Variants in TLN1 observed in about 807,000 individuals in gnomAD.
TLN1 encodes the protein talin 1, also known as talin-1.
A neutral mutation model predicts 292.3 loss-of-function variants in TLN1; 56 were observed. The ratio of observed to expected loss-of-function variants is 0.19; its 90% CI spans 0.15 to 0.24. TLN1 has a LOEUF of 0.24. TLN1 is among the 10% of genes least tolerant of loss of function. TLN1 has a pLI of 1.00. For synonymous variants in TLN1, 1,119 were observed against 1,253.7 expected (o/e 0.89, Z 2.27); for missense variants, 2,433 against 3,248.2 (o/e 0.75, Z 6.10).
At position 35,724,297 on chromosome 9, in the gene TLN1, C is replaced by T. The variant is rs763245321; in HGVS notation, c.549G>A (p.Gln183=). The T allele has an allele frequency of 4.3e-6, 7 of 1,614,096 alleles. No homozygotes were observed. Among genetic ancestry groups the T allele is most frequent in the Non-Finnish European group, 5.9e-6 (7 of 1,180,048 alleles). ...GCAGCGTCTCGTGCTCCTCTACACC[C>T]TGCTCCCTCAGTGTCCGACCATGGT... ...WLDHGRTLRE[Q]GVEEHETLLL... is the part of the protein sequence containing the mutation. The change falls in exon 6 of 57, where the codon CAG becomes CAA. Residue 183 remains glutamine (Q), a synonymous_variant. Transcript: ENST00000314888. This position sits in a 1 kb window ranked among gnomAD's most constrained non-coding sequence, Gnocchi z 4.7.
Position 35,705,600 on chromosome 9 carries a change from C to A in TLN1, c.5684G>T (p.Arg1895Leu). The A allele has an allele frequency of 1.2e-6, 2 of 1,605,630 alleles. No homozygotes were observed. Among genetic ancestry groups the A allele is most frequent in the Non-Finnish European group, 1.7e-6 (2 of 1,173,450 alleles). The change falls in exon 43 of 57, where the codon CGT (arginine) becomes CTT (leucine). Residue 1895 changes from arginine to leucine, a missense_variant. This residue lies in a region of TLN1 where 1,384 missense variants were observed against 1,699.6 expected (regional missense o/e 0.81). Coordinates refer to ENST00000314888, the MANE Select transcript of TLN1 (RefSeq NM_006289.4). ...LANQLTSDYGRLASEAKPAAV... is the reference protein window; with the variant it reads ...LANQLTSDYGLLASEAKPAAV... ...TGCAGGCTTGGCCTCCGAGGCCAGA[C>A]GGCCATAGTCACTGGTCAGCTGGTT...
chr9:35,721,897 T>A, intron 9 of TLN1, 94 bp from the exon 10 acceptor site: 1 of 1,516,714 alleles, frequency 6.6e-7, no homozygotes, highest in South Asian at 1.2e-5. Context: ...GATGTTGAGG[T>A]GGCCGGGAGG....
Position 35,707,926 on chromosome 9 carries a change from C to T in TLN1, c.4471-34G>A. ...ACACATGGAAGAGCCACGATGAGGG[C>T]AGGAAGGAGGTGTACATACCCAAGG... On this transcript the variant is annotated intron_variant, in intron 34 of 56. Transcript: ENST00000314888. This position sits in a 1 kb window ranked among gnomAD's most constrained non-coding sequence, Gnocchi z 5.6. 1 of 1,609,862 alleles carries T rather than the reference C, an allele frequency of 6.2e-7. No individual in the cohort carries two copies. Among genetic ancestry groups the T allele is most frequent in the Non-Finnish European group, 8.5e-7 (1 of 1,177,346 alleles).
chr9:35,704,087 C>T lies in TLN1; in HGVS notation c.6135G>A (p.Ala2045=), dbSNP rs367747348. ...TCGCCACGGAGGACTGGGCAGCCTGCGCCAACTTCTCCTGGCTCCCAGCTG... is the reference window on the plus strand; with the variant it reads ...TCGCCACGGAGGACTGGGCAGCCTGTGCCAACTTCTCCTGGCTCCCAGCTG... ...QNAAGSQEKL[A]QAAQSSVATI... is the part of the protein sequence containing the mutation. The change falls in exon 46 of 57, where the codon GCG becomes GCA. Residue 2045 remains alanine, a synonymous_variant. Transcript: ENST00000314888. The surrounding 1 kb of genome is among the most constrained non-coding windows in gnomAD (Gnocchi z 6.9). 103 of 1,613,570 alleles carry T rather than the reference C, an allele frequency of 6.4e-5. 1 individual carries two copies. Among genetic ancestry groups the T allele is most frequent in the South Asian group, 6.4e-4 (58 of 91,052 alleles).
chr9:35,700,394 G>T lies in TLN1; in HGVS notation c.6475-18C>A, dbSNP rs376912758. 2 of 1,588,750 alleles carry T rather than the reference G, an allele frequency of 1.3e-6. No individual in the cohort carries two copies. The highest frequency in any genetic ancestry group is 1.7e-6 in the Non-Finnish European group (2 of 1,161,046). ...CAGAAAACCTGTGGGGGCAGAAGAA[G>T]AAGAAAGATTTTACAGTGGCTGAGA... On this transcript the variant is annotated intron_variant, in intron 48 of 56. Coordinates refer to ENST00000314888, the MANE Select transcript of TLN1 (RefSeq NM_006289.4).
Position 35,704,713 on chromosome 9 carries a change from T to C in TLN1, c.5836A>G (p.Thr1946Ala). 16 of 1,614,178 alleles carry C rather than the reference T, an allele frequency of 9.9e-6. No homozygotes were observed. Among genetic ancestry groups the C allele is most frequent in the Non-Finnish European group, 1.4e-5 (16 of 1,180,030 alleles). ...ALQCSPSDAY[T>A]KKELIECARR... ...GCACACTCTATGAGCTCCTTCTTGG[T>C]GTAGGCATCACTGGGGCTGCACTGC... Residue 1946 changes from threonine (T) to alanine (A), a missense_variant, in exon 44 of 57, where the codon ACC becomes GCC. By Grantham distance (58) the Thr-to-Ala change is moderately conservative. Around this residue, in one of 7 missense-constraint regions of TLN1, gnomAD observed 1,384 missense variants for 1,699.6 expected, o/e 0.81. Transcript: ENST00000314888. The surrounding 1 kb of genome is among the most constrained non-coding windows in gnomAD (Gnocchi z 6.9).
At chr9:35,710,496 A>T (rs1329991956) in intron 33 of TLN1, 65 bp downstream of exon 33, 1 of 1,572,096 alleles carries the variant, frequency 6.4e-7, no homozygotes, top group African/African-American at 1.4e-5. Context: ...CAGGTATGTC[A>T]GGCTGAGAGA....
At chr9:35,731,671 A>C (rs1332067513) in intron 1 of TLN1, among the ~76,000 whole-genome samples, 2 of 152,140 alleles carry the variant, frequency 1.3e-5, no homozygotes, top group Non-Finnish European at 2.9e-5. Context: ...TCTAAAACGG[A>C]CCTGACTCAC....
rs1825413751 is a variant in TLN1, at chr9:35,698,799, A to G, written c.7125+9T>C. The G allele has an allele frequency of 4.3e-6, 7 of 1,613,864 alleles. No homozygotes were observed. The highest frequency in any genetic ancestry group is 5.9e-6 in the Non-Finnish European group (7 of 1,179,784). ...CTGTCCCCATTCTTCTGGGTATTTA[A>G]GCACTCACCTTCCCTTGGGCCACTA... is the stretch of plus-strand genomic sequence containing the variant. On this transcript the variant is annotated intron_variant, in intron 53 of 56. Transcript: ENST00000314888. The surrounding 1 kb of genome is among the most constrained non-coding windows in gnomAD (Gnocchi z 5.3).
At chr9:35,711,119 G>C in intron 30 of TLN1, 37 bp from the exon 31 acceptor site, 9 of 1,611,968 alleles carry the variant, frequency 5.6e-6, no homozygotes, top group Non-Finnish European at 7.6e-6. Flanking sequence ...AAGGTGAATA[G>C]GTCATCATTC....
chr9:35,705,547 T>C lies in TLN1; in HGVS notation c.5733+4A>G, dbSNP rs190445766. 9 of 1,577,870 alleles carry C rather than the reference T, an allele frequency of 5.7e-6. No individual in the cohort carries two copies. The highest frequency in any genetic ancestry group is 7.8e-6 in the Non-Finnish European group (9 of 1,159,490). ...GGGCAGGGCAGAGTTGCCTCCACGT[T>C]TACCTCTTCATTTTCAGCAGCCACC... On this transcript the variant is annotated splice_donor_region_variant and intron_variant, in intron 43 of 56. Transcript: ENST00000314888.
chr9:35,699,434 T>C lies in TLN1; in HGVS notation c.6796A>G (p.Lys2266Glu). The C allele has an allele frequency of 6.2e-7, 1 of 1,613,860 alleles. No individual in the cohort carries two copies. Among genetic ancestry groups the C allele is most frequent in the Non-Finnish European group, 8.5e-7 (1 of 1,179,880 alleles). The change falls in exon 51 of 57, where the codon AAG becomes GAG. Residue 2266 changes from lysine (K) to glutamate (E), a missense_variant. Lys to Glu is a moderately conservative substitution (Grantham distance 56, BLOSUM62 1). Coordinates refer to ENST00000314888, the MANE Select transcript of TLN1 (RefSeq NM_006289.4). This position sits in a 1 kb window ranked among gnomAD's most constrained non-coding sequence, Gnocchi z 4.0. The stretch of plus-strand genomic sequence containing the variant: ...TTTGAATGTCCTGTCAACTGCTGCT[T>C]CAGTTCTGGGCTTGGCTTCTGCAGG... The part of the protein sequence containing the change: ...LTLQKPSPEL[K>E]QQLTGHSKRV...
intron 7 of TLN1, 70 bp from the exon 8 acceptor site, chr9:35,722,991 G>T: frequency 7.2e-7 from 1 of 1,395,818 alleles, no homozygotes; most frequent in Non-Finnish European, 1.0e-6. Context: ...TGAACTGTGG[G>T]CCTGGGGGTA....
Position 35,698,947 on chromosome 9 carries a change from AG to A in TLN1, c.7000-15del. On this transcript the variant is annotated splice_polypyrimidine_tract_variant and intron_variant, in intron 52 of 56. Coordinates refer to ENST00000314888, the MANE Select transcript of TLN1 (RefSeq NM_006289.4). The surrounding 1 kb of genome is among the most constrained non-coding windows in gnomAD (Gnocchi z 5.3). The stretch of plus-strand genomic sequence containing the variant: ...CTCATCTGCCTCCTGCAATAAGCGA[AG>A]GTTGCAGAAAGAGATGTAAAGTCAG... 2 of 1,612,912 alleles carry A rather than the reference AG, an allele frequency of 1.2e-6. No homozygotes were observed. Among genetic ancestry groups the A allele is most frequent in the African/African-American group, 2.7e-5 (2 of 75,060 alleles).
chr9:35,726,785 A>G (rs1264038931), intron 1 of TLN1, among the ~76,000 whole-genome samples: 1 of 152,098 alleles, frequency 6.6e-6, no homozygotes, highest in East Asian at 1.9e-4. Context: ...TATCTGGTCA[A>G]CTCTTGTGTT....
rs780321646 is a variant in TLN1, at chr9:35,715,008, T to G, written c.2754+51A>C. 1.4e-5 allele frequency: 23 copies of G among 1,612,130 alleles called. 1 individual carries two copies. The South Asian group carries it at 2.5e-4, about 18-fold the overall frequency. On this transcript the variant is annotated intron_variant, in intron 21 of 56. Coordinates refer to ENST00000314888, the MANE Select transcript of TLN1 (RefSeq NM_006289.4). ...CCGCACCTCCCTTTCAGTTCATTCCTCCCACAGCACCCACACTCTCTCTTG... is the reference window on the plus strand; with the variant it reads ...CCGCACCTCCCTTTCAGTTCATTCCGCCCACAGCACCCACACTCTCTCTTG...
Position 35,732,068 on chromosome 9 carries a change from G to A in TLN1, c.-34+7C>T, listed in dbSNP as rs1352321796. Reference sequence around the variant, plus strand: ...CTAAGGCCCCCGCCCGGCCCGGTCTGGCCTACCTGCGCTGCCTGGCTCTGC... The same window carrying A: ...CTAAGGCCCCCGCCCGGCCCGGTCTAGCCTACCTGCGCTGCCTGGCTCTGC... On this transcript the variant is annotated splice_region_variant and intron_variant, in intron 1 of 56. Transcript: ENST00000314888. The surrounding 1 kb of genome is among the most constrained non-coding windows in gnomAD (Gnocchi z 5.1). The A allele has an allele frequency of 6.6e-6, 1 of 151,686 alleles. No homozygotes were observed. Among genetic ancestry groups the A allele is most frequent in the Non-Finnish European group, 1.5e-5 (1 of 67,842 alleles). 9.4% of individuals were successfully genotyped at this position (151,686 alleles called of 1,614,324 possible). A position where few individuals can be genotyped will look rare whatever the true frequency, so the allele number is the denominator to read the frequency against.
intron 19 of TLN1, 118 bp from the exon 20 acceptor site, chr9:35,716,674 A>G (rs539980734): frequency 2.7e-6 from 3 of 1,094,152 alleles, no homozygotes; most frequent in Non-Finnish European, 3.8e-6. Context: ...GGGACAGAAA[A>G]AGAGACTGGC....
Position 35,714,394 on chromosome 9 carries a change from G to A in TLN1, c.2986-21C>T, listed in dbSNP as rs762024705. The A allele has an allele frequency of 1.1e-5, 18 of 1,599,046 alleles. No individual in the cohort carries two copies. The Admixed American group carries it at 2.7e-4, about 24-fold the overall frequency. ...CCTGGCTGTTGGGGAATAGGCAGGTGGATGAAGTGTGCCATCCTCCCTCTG... is the reference window on the plus strand; with the variant it reads ...CCTGGCTGTTGGGGAATAGGCAGGTAGATGAAGTGTGCCATCCTCCCTCTG... On this transcript the variant is annotated intron_variant, in intron 23 of 56. Transcript: ENST00000314888. This position sits in a 1 kb window ranked among gnomAD's most constrained non-coding sequence, Gnocchi z 4.6.
Sources: allele counts gnomAD v4.1 joint callset (sites outside exome capture counted in the v4.1 genomes callset), GRCh38; gene constraint gnomAD v4.1.1; regional missense constraint gnomAD v4.1.1; non-coding constraint Gnocchi (gnomAD v3.1); transcripts MANE v1.5; gene names NCBI Gene and HGNC (gene_info 2026-07-23, HGNC 2026-07-21).